The following KYNU variants were observed in gnomAD, a reference collection of about 807,000 sequenced individuals.
KYNU encodes kynureninase.
KYNU carries 54 observed loss-of-function variants against 59.2 expected under a neutral mutation model. That is an observed-to-expected ratio of 0.91 (90% confidence interval 0.73 to 1.14). The LOEUF is 1.14. Ranked by LOEUF, KYNU falls within the 50% of genes most tolerant of loss-of-function variation. The pLI is 0.00. For missense variants in KYNU, 567 were observed against 554.4 expected (o/e 1.02, Z -0.23); for synonymous variants, 177 against 192.0 (o/e 0.92, Z 0.65).
chr2:142,958,045 G>T, intron 7 of KYNU: 2 of 266,616 alleles, frequency 7.5e-6, no homozygotes, highest in East Asian at 1.0e-4. Context: ...CATGCCCATG[G>T]GTGCCATTAA....
At chr2:143,017,356 A>G (rs1049967317) in intron 10 of KYNU, among the ~76,000 whole-genome samples, 1 of 149,506 alleles carries the variant, frequency 6.7e-6, no homozygotes, top group African/African-American at 2.5e-5. Context: ...TTACATTCCC[A>G]CCAACAGCGT....
chr2:142,924,875 C>T (rs1266200870), intron 3 of KYNU, among the ~76,000 whole-genome samples: 1 of 152,152 alleles, frequency 6.6e-6, no homozygotes, highest in Non-Finnish European at 1.5e-5. Context: ...GGCCACTTTA[C>T]TTTGGGTTTA....
rs573497132 is a variant in KYNU at position 142,889,314 on chromosome 2, G to A, written c.169+3778G>A. On this transcript the variant is annotated intron_variant, in intron 2 of 13. Coordinates refer to ENST00000264170, the MANE Select transcript of KYNU (RefSeq NM_003937.3). ...CCGTAATCAACAGACAGTGGCGGGG[G>A]GACTCAGCAAGTCCTGTATTTTTGG... Among the ~76,000 whole-genome samples the A allele has an allele frequency of 3.3e-5, 5 of 152,194 alleles. No homozygotes were observed. In the South Asian group the frequency reaches 1.0e-3, roughly 32 times the overall value.
chr2:142,905,247 C>G (rs1007380958), intron 2 of KYNU, among the ~76,000 whole-genome samples: 2 of 152,050 alleles, frequency 1.3e-5, no homozygotes, highest in African/African-American at 4.8e-5. Flanking sequence ...CTTTTTCCTA[C>G]GAGGAGAGCA....
chr2:142,948,600 C>A (rs542149911), intron 4 of KYNU, among the ~76,000 whole-genome samples: 13 of 151,780 alleles, frequency 8.6e-5, no homozygotes, highest in African/African-American at 3.1e-4. Flanking sequence ...GGAAACTCCC[C>A]TTTTTTAAAC....
At chr2:142,913,203 C>T (rs1682557434) in intron 2 of KYNU, among the ~76,000 whole-genome samples, 1 of 151,870 alleles carries the variant, frequency 6.6e-6, no homozygotes, top group East Asian at 1.9e-4. Flanking sequence ...TCGTTTTCTC[C>T]TTTGATTTCA....
intron 8 of KYNU, among the ~76,000 whole-genome samples, chr2:142,974,970 G>A (rs1055839099): frequency 6.6e-6 from 1 of 152,072 alleles, no homozygotes; most frequent in African/African-American, 2.4e-5. Context: ...TTAGGGTATG[G>A]CTTGAAATCA....
chr2:142,941,448 G>A (rs573525234), intron 4 of KYNU, among the ~76,000 whole-genome samples: 1 of 152,232 alleles, frequency 6.6e-6, no homozygotes, highest in South Asian at 2.1e-4. Context: ...ATATAATGTG[G>A]GATATAGAAG....
At chr2:142,887,128 C>CG (rs1269118090) in intron 2 of KYNU, among the ~76,000 whole-genome samples, 1 of 151,898 alleles carries the variant, frequency 6.6e-6, no homozygotes, top group African/African-American at 2.4e-5. Context: ...GGAGACTGCA[C>CG]CACTGCACTC....
chr2:142,892,351 C>T (rs1407916640), intron 2 of KYNU, among the ~76,000 whole-genome samples: 1 of 152,194 alleles, frequency 6.6e-6, no homozygotes, highest in Non-Finnish European at 1.5e-5. Context: ...TGGGAGTCAC[C>T]TAGGCAGACC....
chr2:143,007,664 C>T (rs1425227699), intron 10 of KYNU, among the ~76,000 whole-genome samples: 3 of 116,242 alleles, frequency 2.6e-5, no homozygotes, highest in African/African-American at 3.9e-5. Context: ...AGAGAAAGGT[C>T]GGGTTACCGT....
intron 10 of KYNU, among the ~76,000 whole-genome samples, chr2:143,002,570 C>A (rs78759573): frequency 0.052 from 7,966 of 152,216 alleles, 552 homozygotes; most frequent in African/African-American, 0.16. Context: ...TCACTCCACA[C>A]ACAGAAGTGT....
intron 10 of KYNU, among the ~76,000 whole-genome samples, chr2:142,996,788 C>T (rs1685559356): frequency 6.6e-6 from 1 of 152,154 alleles, no homozygotes; most frequent in Non-Finnish European, 1.5e-5. Flanking sequence ...AACAAGATTA[C>T]AAATTCAGGT....
intron 12 of KYNU, among the ~76,000 whole-genome samples, chr2:143,034,630 C>T (rs543061813): frequency 1.8e-4 from 28 of 152,220 alleles, no homozygotes; most frequent in African/African-American, 6.7e-4. Flanking sequence ...GGAAAATAGA[C>T]ACAGTAACGA....
intron 2 of KYNU, among the ~76,000 whole-genome samples, chr2:142,918,002 T>C (rs1682721585): frequency 1.3e-5 from 2 of 152,192 alleles, no homozygotes; most frequent in Non-Finnish European, 2.9e-5. Context: ...TTGTTTGCAG[T>C]GGGTTAACTG....
chr2:142,970,905 T>C (rs572724447), intron 8 of KYNU, among the ~76,000 whole-genome samples: 20 of 152,234 alleles, frequency 1.3e-4, no homozygotes, highest in African/African-American at 4.8e-4. Context: ...TCTTCCTTTT[T>C]AGCTTTCCCT....
chr2:142,963,564 A>C (rs1317444442), intron 8 of KYNU, among the ~76,000 whole-genome samples: 2 of 152,174 alleles, frequency 1.3e-5, no homozygotes, highest in Admixed American at 6.5e-5. Flanking sequence ...AATTCCATTC[A>C]TGAGGAATCA....
rs535669441 is a variant in KYNU, at chr2:142,939,618, A to G, written c.373+11877A>G. Among the ~76,000 whole-genome samples, 1,129 of 150,336 alleles carry G rather than the reference A, an allele frequency of 7.5e-3. 22 individuals carry two copies. Among genetic ancestry groups the G allele is most frequent in the African/African-American group, 0.026 (1,067 of 40,946 alleles). On this transcript the variant is annotated intron_variant, in intron 4 of 13. Coordinates refer to ENST00000264170, the MANE Select transcript of KYNU (RefSeq NM_003937.3). The stretch of plus-strand genomic sequence containing the variant: ...TCCATCTCACAAAAAAAAAAAAAAA[A>G]AAAAGAAAAAAGAAAAAGAAAAGAT...
Position 143,046,045 on chromosome 2 carries a change from AG to A in KYNU, c.*3874del, listed in dbSNP as rs1392135639. On this transcript the variant is annotated 3_prime_UTR_variant, in exon 14 of 14. Coordinates refer to ENST00000264170, the MANE Select transcript of KYNU (RefSeq NM_003937.3). ...GCTAATCACATTAAAATTATATCAAAGTATATAAACATATCATGGAAAACAT... is the reference window on the plus strand; with the variant it reads ...GCTAATCACATTAAAATTATATCAAATATATAAACATATCATGGAAAACAT... The A allele has an allele frequency of 1.3e-5, 2 of 152,206 alleles. No individual in the cohort carries two copies. The highest frequency in any genetic ancestry group is 1.3e-4 in the Admixed American group (2 of 15,256). The allele number at this position is 152,206 out of a possible 1,614,324, so 9.4% of individuals were successfully genotyped here.
Sources: gnomAD v4.1 joint callset for allele counts (sites outside exome capture counted in the v4.1 genomes callset) on GRCh38, gnomAD v4.1.1 for gene constraint, MANE v1.5 for transcripts, NCBI Gene and HGNC (gene_info 2026-07-23, HGNC 2026-07-21) for gene names.